The following SAAL1 variants were observed in gnomAD, a reference collection of about 807,000 sequenced individuals.
The protein encoded by SAAL1 is protein SAAL1.
A neutral mutation model predicts 59.8 loss-of-function variants in SAAL1; 42 were observed. The ratio of observed to expected loss-of-function variants is 0.70; its 90% CI spans 0.55 to 0.91. The LOEUF is 0.91. Among genes scored for constraint, SAAL1 ranks in the 40% least tolerant of loss-of-function variants. The probability of loss-of-function intolerance (pLI) is 0.00; values close to 1 mark genes in which losing one functional copy is unlikely to be tolerated. For synonymous variants in SAAL1, 191 were observed against 194.3 expected (o/e 0.98, Z 0.14); for missense variants, 542 against 561.1 (o/e 0.97, Z 0.34).
intron 2 of SAAL1, among the ~76,000 whole-genome samples, chr11:18,100,796 C>A (rs1388959842): frequency 1.3e-5 from 2 of 152,136 alleles, no homozygotes; most frequent in Non-Finnish European, 2.9e-5. Context: ...TGAACTTGAA[C>A]AATTAAATAT....
intron 1 of SAAL1, among the ~76,000 whole-genome samples, chr11:18,105,170 T>C (rs979232316): frequency 2.6e-5 from 4 of 151,906 alleles, no homozygotes; most frequent in African/African-American, 7.3e-5. Context: ...GTAAGGAAGC[T>C]GCGTTTTTTG....
chr11:18,094,781 A>C (rs1203855636), intron 3 of SAAL1, among the ~76,000 whole-genome samples: 1 of 152,174 alleles, frequency 6.6e-6, no homozygotes, highest in African/African-American at 2.4e-5. Flanking sequence ...TGGGTGGTCA[A>C]ATGTTGGGAA....
At chr11:18,089,287 A>G (rs1429168313) in intron 7 of SAAL1, 43 bp downstream of exon 7, 1 of 1,481,412 alleles carries the variant, frequency 6.8e-7, no homozygotes. Context: ...ACTTCTAGCA[A>G]TTGCATTTTC....
chr11:18,086,187 G>A (rs549914811), intron 9 of SAAL1, among the ~76,000 whole-genome samples: 12 of 151,668 alleles, frequency 7.9e-5, no homozygotes, highest in African/African-American at 2.9e-4. Context: ...AAGGTCATTT[G>A]AGCCCAGGAG....
intron 3 of SAAL1, among the ~76,000 whole-genome samples, 165 bp from the exon 4 acceptor site, chr11:18,092,489 T>A (rs1339793839): frequency 6.6e-6 from 1 of 152,112 alleles, no homozygotes; most frequent in Non-Finnish European, 1.5e-5. Flanking sequence ...TTGACAAGCT[T>A]ACAGTATTTG....
chr11:18,092,202 T>C (rs1848529818), intron 4 of SAAL1, 43 bp downstream of exon 4: 5 of 987,642 alleles, frequency 5.1e-6, no homozygotes, highest in Non-Finnish European at 7.7e-6. Context: ...CTTAAGGATA[T>C]AAATGAATAT....
intron 2 of SAAL1, among the ~76,000 whole-genome samples, 199 bp from the exon 3 acceptor site, chr11:18,097,053 G>A (rs1352830536): frequency 4.6e-5 from 7 of 151,934 alleles, no homozygotes; most frequent in South Asian, 2.1e-4. Context: ...TGGGCAACAC[G>A]GTGAAACCCT....
intron 10 of SAAL1, chr11:18,081,774 A>C: frequency 2.8e-6 from 1 of 359,966 alleles, no homozygotes; most frequent in Non-Finnish European, 5.1e-6. Flanking sequence ...CCTCCTGCTG[A>C]CTCCTCCCGG....
rs541250038 is a variant in SAAL1, at chr11:18,083,667, T to G, written c.1107A>C (p.Lys369Asn). ...VLQNMEQCQK[K>N]PENSAESNTE... ...TGTTAGACTCTGCCGAGTTCTCTGG[T>G]TTTTTCTGACACTGTTCCATATTTT... is the stretch of plus-strand genomic sequence containing the variant. The change falls in exon 10 of 12, where the codon AAA becomes AAC. Residue 369 changes from lysine (K) to asparagine (N), a missense_variant. By Grantham distance (94) the Lys-to-Asn change is moderately conservative. Coordinates refer to ENST00000524803, the MANE Select transcript of SAAL1 (RefSeq NM_138421.3). 34 of 1,612,298 alleles carry G rather than the reference T, an allele frequency of 2.1e-5. No homozygotes were observed. Among genetic ancestry groups the G allele is most frequent in the South Asian group, 6.6e-5 (6 of 90,762 alleles).
chr11:18,098,156 C>G (rs1848597209), intron 2 of SAAL1, among the ~76,000 whole-genome samples: 1 of 152,164 alleles, frequency 6.6e-6, no homozygotes, highest in African/African-American at 2.4e-5. Context: ...CAAACAAAAA[C>G]AAAATTCCTT....
rs201660613 is a variant in SAAL1 at position 18,087,128 on chromosome 11, G to A, written c.853+15C>T. 74 of 1,607,668 alleles carry A rather than the reference G, an allele frequency of 4.6e-5. 1 individual carries two copies. In the African/African-American group the frequency reaches 5.3e-4, roughly 12 times the overall value. ...TAAATGAGTAACTGTAGTGCATCCC[G>A]ATAAACCACCTTACCAATTGCTTGA... On this transcript the variant is annotated intron_variant, in intron 8 of 11. Coordinates refer to ENST00000524803, the MANE Select transcript of SAAL1 (RefSeq NM_138421.3).
chr11:18,104,225 T>C (rs141629417), intron 1 of SAAL1, among the ~76,000 whole-genome samples: 110 of 152,334 alleles, frequency 7.2e-4, no homozygotes, highest in Non-Finnish European at 1.3e-3. Context: ...AAGAACCTAC[T>C]GATGTTAAGT....
chr11:18,088,942 T>A (rs761996724), intron 7 of SAAL1, among the ~76,000 whole-genome samples: 61 of 151,996 alleles, frequency 4.0e-4, no homozygotes, highest in Non-Finnish European at 2.4e-4. Flanking sequence ...GACATCAGAG[T>A]CCCAACATCG....
At chr11:18,097,166 G>A (rs1848586638) in intron 2 of SAAL1, among the ~76,000 whole-genome samples, 1 of 152,180 alleles carries the variant, frequency 6.6e-6, no homozygotes, top group East Asian at 1.9e-4. Flanking sequence ...GAACCCGGGA[G>A]GCAGAGGTTG....
chr11:18,100,522 G>A (rs1010273911), intron 2 of SAAL1, among the ~76,000 whole-genome samples: 9 of 152,220 alleles, frequency 5.9e-5, no homozygotes, highest in African/African-American at 1.9e-4. Flanking sequence ...TTGAGGCCAG[G>A]AGTTCAAGAC....
At chr11:18,084,228 A>G (rs1013584651) in intron 9 of SAAL1, among the ~76,000 whole-genome samples, 1 of 152,222 alleles carries the variant, frequency 6.6e-6, no homozygotes, top group African/African-American at 2.4e-5. Context: ...CACTGTTACC[A>G]TCTTGGTCCA....
intron 11 of SAAL1, 86 bp downstream of exon 11, chr11:18,081,325 C>A (rs756945841): frequency 8.9e-6 from 8 of 901,074 alleles, no homozygotes; most frequent in Non-Finnish European, 1.1e-5. Context: ...TCATTTTTGA[C>A]AATGACCTCG....
intron 3 of SAAL1, among the ~76,000 whole-genome samples, 193 bp downstream of exon 3, chr11:18,096,576 CCT>C (rs1177116654): frequency 6.6e-6 from 1 of 151,750 alleles, no homozygotes; most frequent in Non-Finnish European, 1.5e-5. Flanking sequence ...ATAGTGAGAC[CCT>C]GTCTCAAAAA....
intron 3 of SAAL1, among the ~76,000 whole-genome samples, chr11:18,095,703 A>C (rs1377129431): frequency 6.6e-6 from 1 of 152,246 alleles, no homozygotes; most frequent in Non-Finnish European, 1.5e-5. Flanking sequence ...CTAATCCATG[A>C]TATGCATAGC....
Sources: allele counts gnomAD v4.1 joint callset (sites outside exome capture counted in the v4.1 genomes callset), GRCh38; gene constraint gnomAD v4.1.1; transcripts MANE v1.5; gene names NCBI Gene and HGNC (gene_info 2026-07-23, HGNC 2026-07-21).